The following MEI4 variants were observed in gnomAD, a reference collection of about 807,000 sequenced individuals.
MEI4 encodes meiosis-specific protein MEI4.
In MEI4, 27 loss-of-function variants were observed where a neutral mutation model predicts 31.4. The observed-to-expected ratio is 0.86, with a 90% CI of 0.63 to 1.19. The LOEUF (loss-of-function observed/expected upper bound fraction) is 1.19, where lower values mean the gene tolerates loss of function less well. MEI4 is among the 50% of genes most tolerant of loss of function. The probability of loss-of-function intolerance (pLI) is 0.00; values close to 1 mark genes in which losing one functional copy is unlikely to be tolerated. For missense variants in MEI4, 329 were observed against 398.9 expected (o/e 0.82, Z 1.49); for synonymous variants, 122 against 145.4 (o/e 0.84, Z 1.16).
chr6:77,827,953 T>A lies in MEI4; in HGVS notation c.769-978T>A, dbSNP rs540924712. Among the ~76,000 whole-genome samples the A allele has an allele frequency of 1.4e-3, 209 of 152,248 alleles. 1 individual carries two copies. Among genetic ancestry groups the A allele is most frequent in the Non-Finnish European group, 2.3e-3 (155 of 68,022 alleles). Reference sequence around the variant, plus strand: ...TTCTCTTCTCATCAGTGTTCTCCAATAGGATTATATTAACTCTAGAAAAAT... The same window carrying A: ...TTCTCTTCTCATCAGTGTTCTCCAAAAGGATTATATTAACTCTAGAAAAAT... On this transcript the variant is annotated intron_variant, in intron 3 of 4. Coordinates refer to ENST00000684080, the MANE Select transcript of MEI4 (RefSeq NM_001322247.2).
chr6:77,691,408 A>G (rs1769155470), intron 2 of MEI4, among the ~76,000 whole-genome samples: 1 of 151,982 alleles, frequency 6.6e-6, no homozygotes, highest in Non-Finnish European at 1.5e-5. Flanking sequence ...ACAGAGGAGG[A>G]AGTTATTCCT....
chr6:77,736,104 C>T (rs1246722943), intron 2 of MEI4, among the ~76,000 whole-genome samples: 2 of 152,176 alleles, frequency 1.3e-5, no homozygotes, highest in African/African-American at 2.4e-5. Context: ...GTGCCCTGCC[C>T]CCAGAGGTGG....
chr6:77,777,279 C>G (rs1335729819), intron 3 of MEI4, among the ~76,000 whole-genome samples: 4 of 152,078 alleles, frequency 2.6e-5, no homozygotes, highest in Admixed American at 6.6e-5. Flanking sequence ...TTTGAGAAAG[C>G]TATTAACTAA....
rs375883143 is a variant in MEI4 at position 77,868,516 on chromosome 6, T to TATATATATATATATATAC, written c.900+39466_900+39467insATATACATATATATATAT. ...AAAAAATACTACATATATATATATA[T>TATATATATATATATATAC]ATATATATATATGCAGATTTCAAGT... is the stretch of plus-strand genomic sequence containing the variant. On this transcript the variant is annotated intron_variant, in intron 4 of 4. Transcript: ENST00000684080. Among the ~76,000 whole-genome samples the TATATATATATATATATAC allele has an allele frequency of 1.2e-3, 163 of 133,768 alleles. 4 individuals carry two copies. The highest frequency in any genetic ancestry group is 2.9e-3 in the Admixed American group (38 of 13,124). 87.8% of individuals were successfully genotyped at this position (133,768 alleles called of 152,430 possible). A position where few individuals can be genotyped will look rare whatever the true frequency, so the allele number is the denominator to read the frequency against.
intron 2 of MEI4, among the ~76,000 whole-genome samples, chr6:77,696,522 T>C (rs1340414761): frequency 1.3e-5 from 2 of 152,004 alleles, no homozygotes; most frequent in African/African-American, 4.8e-5. Context: ...ATTGAGATAA[T>C]CATGTGGTTT....
intron 2 of MEI4, among the ~76,000 whole-genome samples, chr6:77,699,221 GCT>G (rs1766142685): frequency 8.4e-6 from 1 of 119,662 alleles, no homozygotes; most frequent in Admixed American, 1.1e-4. Context: ...ACGGAGTCTC[GCT>G]CTGTCACCCA....
chr6:77,686,288 T>C (rs1769052661), intron 1 of MEI4, among the ~76,000 whole-genome samples: 1 of 152,192 alleles, frequency 6.6e-6, no homozygotes, highest in Non-Finnish European at 1.5e-5. Flanking sequence ...AAAGTATAAG[T>C]AAGAAAATAA....
At chr6:77,806,348 A>C (rs538995865) in intron 3 of MEI4, among the ~76,000 whole-genome samples, 2 of 152,266 alleles carry the variant, frequency 1.3e-5, no homozygotes, top group Admixed American at 1.3e-4. Context: ...GGTGTTTTGG[A>C]GTACCTAGAA....
chr6:77,762,343 C>T (rs1320215203), intron 3 of MEI4, among the ~76,000 whole-genome samples: 1 of 151,954 alleles, frequency 6.6e-6, no homozygotes, highest in African/African-American at 2.4e-5. Flanking sequence ...ATTGAGATAA[C>T]CTGAAGTTGT....
chr6:77,873,272 C>G (rs1234594082), intron 4 of MEI4, among the ~76,000 whole-genome samples: 1 of 152,130 alleles, frequency 6.6e-6, no homozygotes, highest in East Asian at 1.9e-4. Context: ...CTGTTGTTTC[C>G]TGACTTTTTA....
At chr6:77,785,303 CA>C (rs1304897487) in intron 3 of MEI4, among the ~76,000 whole-genome samples, 1 of 152,154 alleles carries the variant, frequency 6.6e-6, no homozygotes. Flanking sequence ...ATAAAGGCCA[CA>C]TTTAGCATTA....
In MEI4 at chr6:77,913,950, C is replaced by T. The variant is rs147201476; in HGVS notation, c.901-9139C>T. ...TCCAGAGGCTAAGGCAGGAGAATGG[C>T]GTGAATCCAGGAGGTGGAGCTTGCA... On this transcript the variant is annotated intron_variant, in intron 4 of 4. Coordinates refer to ENST00000684080, the MANE Select transcript of MEI4 (RefSeq NM_001322247.2). Among the ~76,000 whole-genome samples the T allele has an allele frequency of 8.3e-3, 1,241 of 149,582 alleles. 17 individuals are homozygous for T. Among genetic ancestry groups the T allele is most frequent in the African/African-American group, 0.028 (1,138 of 40,654 alleles).
At chr6:77,696,429 G>A (rs1766044971) in intron 2 of MEI4, among the ~76,000 whole-genome samples, 1 of 152,028 alleles carries the variant, frequency 6.6e-6, no homozygotes, top group Admixed American at 6.5e-5. Context: ...ATTATTTTGA[G>A]GTACGTCCCA....
At chr6:77,695,618 T>C (rs1293591874) in intron 2 of MEI4, among the ~76,000 whole-genome samples, 1 of 152,224 alleles carries the variant, frequency 6.6e-6, no homozygotes, top group African/African-American at 2.4e-5. Flanking sequence ...GTTCCATTGA[T>C]CTATATCTCT....
chr6:77,762,601 G>A (rs991158623), intron 3 of MEI4, among the ~76,000 whole-genome samples: 11 of 152,192 alleles, frequency 7.2e-5, no homozygotes, highest in African/African-American at 1.9e-4. Context: ...ATTTGCCTCC[G>A]TGCTATGATC....
Position 77,916,530 on chromosome 6 carries a change from T to G in MEI4, c.901-6559T>G, listed in dbSNP as rs142847087. Among the ~76,000 whole-genome samples the G allele has an allele frequency of 3.2e-3, 492 of 152,190 alleles. 1 individual carries two copies. Among genetic ancestry groups the G allele is most frequent in the African/African-American group, 0.012 (481 of 41,538 alleles). ...ATTGTGTGGTCTTCTTATGATTTCC[T>G]CAGCTCTAAGCAGTATTAGTATTGT... On this transcript the variant is annotated intron_variant, in intron 4 of 4. Transcript: ENST00000684080.
intron 4 of MEI4, among the ~76,000 whole-genome samples, chr6:77,840,514 A>C (rs1770332810): frequency 6.6e-6 from 1 of 152,194 alleles, no homozygotes; most frequent in South Asian, 2.1e-4. Context: ...CCATGAACAT[A>C]ATAAACTCAA....
intron 3 of MEI4, among the ~76,000 whole-genome samples, chr6:77,802,880 C>A (rs992259968): frequency 6.6e-6 from 1 of 152,180 alleles, no homozygotes; most frequent in Non-Finnish European, 1.5e-5. Flanking sequence ...GTTAACCCGA[C>A]CTTTCTCTCT....
intron 1 of MEI4, among the ~76,000 whole-genome samples, chr6:77,681,395 A>C (rs1768954488): frequency 6.6e-6 from 1 of 152,340 alleles, no homozygotes; most frequent in East Asian, 1.9e-4. Flanking sequence ...TTCAGTGTGT[A>C]AAATACCGGT....
Sources: gnomAD v4.1 joint callset for allele counts (sites outside exome capture counted in the v4.1 genomes callset) on GRCh38, gnomAD v4.1.1 for gene constraint, MANE v1.5 for transcripts, NCBI Gene and HGNC (gene_info 2026-07-23, HGNC 2026-07-21) for gene names.